Variants in HLTF observed in about 807,000 individuals in gnomAD.
HLTF encodes the protein helicase like transcription factor.
HLTF carries 127 observed loss-of-function variants against 129.4 expected under a neutral mutation model. The observed-to-expected ratio is 0.98, with a 90% CI of 0.85 to 1.14. The LOEUF (loss-of-function observed/expected upper bound fraction) is 1.14, where lower values mean the gene tolerates loss of function less well. Among genes scored for constraint, HLTF ranks in the 50% most tolerant of loss-of-function variants. The probability of loss-of-function intolerance (pLI) is 0.00; values close to 1 mark genes in which losing one functional copy is unlikely to be tolerated. For missense variants in HLTF, 1,139 were observed against 1,187.1 expected, an observed-to-expected ratio of 0.96 and a Z score of 0.60; for synonymous variants, 332 against 388.8, an observed-to-expected ratio of 0.85 and a Z score of 1.72.
chr3:149,068,559 G>A (rs1197283780), intron 7 of HLTF, among the ~76,000 whole-genome samples: 1 of 152,114 alleles, frequency 6.6e-6, no homozygotes, highest in Non-Finnish European at 1.5e-5. Context: ...AATACTACAA[G>A]TATCTCTGAG....
At chr3:149,067,084 T>G (rs1718440448) in intron 8 of HLTF, among the ~76,000 whole-genome samples, 1 of 152,028 alleles carries the variant, frequency 6.6e-6, no homozygotes, top group Non-Finnish European at 1.5e-5. Context: ...AGAAAAGAAG[T>G]AACTGTTCCT....
At chr3:149,083,284 C>A (rs542538316) in intron 2 of HLTF, among the ~76,000 whole-genome samples, 1 of 151,398 alleles carries the variant, frequency 6.6e-6, no homozygotes, top group East Asian at 1.9e-4. Context: ...AAAGAACATG[C>A]ATTAATTATA....
At chr3:149,062,830 A>G (rs1718054596) in intron 10 of HLTF, among the ~76,000 whole-genome samples, 1 of 152,240 alleles carries the variant, frequency 6.6e-6, no homozygotes, top group African/African-American at 2.4e-5. Flanking sequence ...AAAAATCCCA[A>G]GATCTAGATC....
intron 24 of HLTF, among the ~76,000 whole-genome samples, 188 bp from the exon 25 acceptor site, chr3:149,032,560 T>C (rs1327811313): frequency 6.6e-6 from 1 of 152,142 alleles, no homozygotes; most frequent in East Asian, 1.9e-4. Context: ...ATATAAAGAA[T>C]ATGGCTGTAC....
chr3:149,062,448 C>T (rs1718026165), intron 10 of HLTF, among the ~76,000 whole-genome samples: 2 of 152,226 alleles, frequency 1.3e-5, no homozygotes, highest in South Asian at 4.1e-4. Context: ...GAACAATTAA[C>T]ATAGCCAGTT....
In HLTF at chr3:149,046,060, A is replaced by C. The variant is rs749228029; in HGVS notation, c.2072+20T>G. 3 of 1,567,232 alleles carry C rather than the reference A, an allele frequency of 1.9e-6. No individual in the cohort carries two copies. In the Admixed American group the frequency reaches 5.9e-5, roughly 31 times the overall value. On this transcript the variant is annotated intron_variant, in intron 18 of 24. Coordinates refer to ENST00000310053, the MANE Select transcript of HLTF (RefSeq NM_003071.4). ...AAGTAAACAAAAACTAATTTTTAAC[A>C]TGGTTTTCTTTCTCCATACCTTCCA...
chr3:149,077,153 C>T (rs1373956541), intron 2 of HLTF, among the ~76,000 whole-genome samples: 1 of 151,976 alleles, frequency 6.6e-6, no homozygotes, highest in Non-Finnish European at 1.5e-5. Flanking sequence ...GAGGCTGAGG[C>T]AGGAGAACCA....
chr3:149,071,146 C>G (rs1718820889), intron 7 of HLTF, 106 bp downstream of exon 7: 1 of 661,928 alleles, frequency 1.5e-6, no homozygotes, highest in East Asian at 2.8e-5. Flanking sequence ...AGATCTAGTC[C>G]CAAACTGGTA....
chr3:149,070,229 C>T (rs907673532), intron 7 of HLTF, among the ~76,000 whole-genome samples: 1 of 152,084 alleles, frequency 6.6e-6, no homozygotes, highest in South Asian at 2.1e-4. Context: ...TACAATACTC[C>T]TCTCTTTACA....
chr3:149,035,275 GT>G (rs530034459), intron 23 of HLTF, among the ~76,000 whole-genome samples: 15 of 146,894 alleles, frequency 1.0e-4, no homozygotes, highest in South Asian at 4.3e-4. Context: ...AATCAATTTG[GT>G]TTTTTTTTTC....
intron 2 of HLTF, among the ~76,000 whole-genome samples, chr3:149,081,905 A>G (rs1263730589): frequency 6.6e-6 from 1 of 152,248 alleles, no homozygotes; most frequent in Non-Finnish European, 1.5e-5. Flanking sequence ...TGAGCAACAC[A>G]TCATACCACC....
rs767533371 is a variant in HLTF, at chr3:149,032,275, G to C, written c.2975C>G (p.Ala992Gly). The change falls in exon 25 of 25, where the codon GCT becomes GGT. Residue 992 changes from alanine to glycine, a missense_variant. By Grantham distance (60) the Ala-to-Gly change is moderately conservative. Transcript: ENST00000310053. ...AATTTTGGCTTGTTTCATTTCGTCA[G>C]CATTTGGTTTTTTAGTTCCAAAGGC... ...AGAFGTKKPN[A>G]DEMKQAKINE... is the part of the protein sequence containing the mutation. 7.5e-6 allele frequency: 12 copies of C among 1,598,798 alleles called. No homozygotes were observed. The highest frequency in any genetic ancestry group is 5.1e-6 in the Non-Finnish European group (6 of 1,174,334).
rs1272885130 is a variant in HLTF, at chr3:149,050,295, CG to C, written c.1553del (p.Pro518ArgfsTer11). The C allele has an allele frequency of 6.3e-7, 1 of 1,599,818 alleles. No homozygotes were observed. The highest frequency in any genetic ancestry group is 8.6e-7 in the Non-Finnish European group (1 of 1,168,390). ...VYYGPDRIRE[P>X]ALLSKQDIVL... ...CAATATCCTGTTTTGAAAGTAAGGC[CG>C]GTTCTCTAATACGATCAGGACCATA... On this transcript the variant is annotated frameshift_variant, in exon 15 of 25. Transcript: ENST00000310053. LOFTEE classifies it high-confidence loss of function.
chr3:149,049,738 A>G (rs1231441277), intron 15 of HLTF, among the ~76,000 whole-genome samples: 1 of 152,246 alleles, frequency 6.6e-6, no homozygotes, highest in East Asian at 1.9e-4. Context: ...CACGCCTGTA[A>G]TCCCAGCACT....
chr3:149,034,952 C>CT lies in HLTF; in HGVS notation c.2842dup (p.Arg948LysfsTer20). 3 of 1,613,950 alleles carry CT rather than the reference C, an allele frequency of 1.9e-6. No homozygotes were observed. The highest frequency in any genetic ancestry group is 2.5e-6 in the Non-Finnish European group (3 of 1,179,814). On this transcript the variant is annotated frameshift_variant, in exon 24 of 25. Transcript: ENST00000310053. LOFTEE classifies it high-confidence loss of function. ...GATAACTTCTTGCTTCTGACCAAGT[C>CT]TATGGCATCTGTCAAAGCACTGATC...
intron 2 of HLTF, among the ~76,000 whole-genome samples, chr3:149,082,690 A>AG (rs1010686165): frequency 7.9e-5 from 12 of 152,196 alleles, no homozygotes; most frequent in African/African-American, 2.9e-4. Flanking sequence ...TAGAAAAAAA[A>AG]TTAAAATAAC....
chr3:149,038,321 C>T (rs1715822947), intron 23 of HLTF, among the ~76,000 whole-genome samples: 2 of 152,076 alleles, frequency 1.3e-5, no homozygotes, highest in South Asian at 4.2e-4. Context: ...TGAACCACTA[C>T]CCTAAAAAGC....
chr3:149,043,565 A>C (rs980176853), intron 18 of HLTF, among the ~76,000 whole-genome samples: 4 of 151,320 alleles, frequency 2.6e-5, no homozygotes, highest in African/African-American at 9.7e-5. Flanking sequence ...AAAAAAAAAA[A>C]AAAACCAGGC....
At chr3:149,085,406 T>A (rs1720275951) in intron 1 of HLTF, among the ~76,000 whole-genome samples, 1 of 152,236 alleles carries the variant, frequency 6.6e-6, no homozygotes, top group South Asian at 2.1e-4. Flanking sequence ...GGAGAATCAC[T>A]TGAACCCGGG....
Sources: gnomAD v4.1 joint callset for allele counts (sites outside exome capture counted in the v4.1 genomes callset) on GRCh38, gnomAD v4.1.1 for gene constraint, MANE v1.5 for transcripts, NCBI Gene and HGNC (gene_info 2026-07-23, HGNC 2026-07-21) for gene names.